The following ETV1 variants were observed in gnomAD, a reference collection of about 807,000 sequenced individuals.
ETV1 encodes the protein ETS variant transcription factor 1.
Under a neutral mutation model 62.3 loss-of-function variants are expected in ETV1, and 27 were observed. That is an observed-to-expected ratio of 0.43 (90% confidence interval 0.32 to 0.60). The LOEUF is 0.60. Ranked by LOEUF, ETV1 falls within the 20% of genes least tolerant of loss-of-function variation. The probability of loss-of-function intolerance (pLI) is 0.06; values close to 1 mark genes in which losing one functional copy is unlikely to be tolerated. For missense variants in ETV1, 605 were observed against 605.8 expected, an observed-to-expected ratio of 1.00 and a Z score of 0.01; for synonymous variants, 222 against 199.6, an observed-to-expected ratio of 1.11 and a Z score of -0.94.
At position 13,943,826 on chromosome 7, in the gene ETV1, C is replaced by T. The variant is rs113264243; in HGVS notation, c.236-4580G>A. Reference sequence around the variant, plus strand: ...CACATGTAAAATTCATCAAACTATGCACTTCAGATTTTTGCATTATAATGA... The same window carrying T: ...CACATGTAAAATTCATCAAACTATGTACTTCAGATTTTTGCATTATAATGA... On this transcript the variant is annotated intron_variant, in intron 6 of 13. Transcript: ENST00000430479. Among the ~76,000 whole-genome samples, 602 of 152,186 alleles carry T rather than the reference C, an allele frequency of 4.0e-3. 6 individuals carry two copies. The highest frequency in any genetic ancestry group is 0.014 in the African/African-American group (567 of 41,528).
intron 9 of ETV1, among the ~76,000 whole-genome samples, chr7:13,917,778 C>T (rs1489945276): frequency 6.6e-6 from 1 of 151,906 alleles, no homozygotes; most frequent in African/African-American, 2.4e-5. Context: ...TCCTGGCTAA[C>T]ACGGTGAAAC....
In ETV1 at chr7:13,915,757, ATT is replaced by A. The variant is rs3839720; in HGVS notation, c.803-4452_803-4451del. On this transcript the variant is annotated intron_variant, in intron 9 of 13. Coordinates refer to ENST00000430479, the MANE Select transcript of ETV1 (RefSeq NM_004956.5). The stretch of plus-strand genomic sequence containing the variant: ...CCTAGAATGAATGATAATGGAAATA[ATT>A]TTTTTTTTTTTACTTTTACCATATG... Among the ~76,000 whole-genome samples, 668 of 147,762 alleles carry A rather than the reference ATT, an allele frequency of 4.5e-3. 3 individuals are homozygous for A. Among genetic ancestry groups the A allele is most frequent in the African/African-American group, 0.016 (632 of 40,554 alleles).
At chr7:13,960,765 T>C (rs1186394585) in intron 6 of ETV1, among the ~76,000 whole-genome samples, 1 of 152,200 alleles carries the variant, frequency 6.6e-6, no homozygotes, top group African/African-American at 2.4e-5. Context: ...ATTTTTCTTA[T>C]ATTTAGCATG....
At chr7:13,970,362 T>C (rs552320889) in intron 6 of ETV1, among the ~76,000 whole-genome samples, 24 of 129,938 alleles carry the variant, frequency 1.8e-4, no homozygotes, top group African/African-American at 5.7e-4. Flanking sequence ...CAAAAGAAAC[T>C]CAGAACCATC....
intron 5 of ETV1, among the ~76,000 whole-genome samples, chr7:13,984,211 T>A (rs1297942879): frequency 6.6e-6 from 1 of 151,990 alleles, no homozygotes; most frequent in East Asian, 1.9e-4. Flanking sequence ...CCAATGATCT[T>A]TTTTAAAAGG....
chr7:13,945,717 G>A (rs1231464856), intron 6 of ETV1, among the ~76,000 whole-genome samples: 3 of 152,122 alleles, frequency 2.0e-5, no homozygotes, highest in African/African-American at 4.8e-5. Flanking sequence ...AGTTGAAAAC[G>A]TGTTGGGTAT....
chr7:13,893,494 T>C lies in ETV1; in HGVS notation c.*2372A>G, dbSNP rs1459863488. On this transcript the variant is annotated 3_prime_UTR_variant, in exon 14 of 14. Transcript: ENST00000430479. ...TACGTTAAAACAGCAAAACATATAG[T>C]TTGTCCTTAAATATTATATAACTAA... 1 of 231,352 alleles carries C rather than the reference T, an allele frequency of 4.3e-6. No homozygotes were observed. Among genetic ancestry groups the C allele is most frequent in the Non-Finnish European group, 8.5e-6 (1 of 117,030 alleles). The allele number at this position is 231,352 out of a possible 1,614,324, so 14.3% of individuals were successfully genotyped here.
At chr7:13,900,889 A>G (rs1373513419) in intron 12 of ETV1, 50 bp from the exon 13 acceptor site, 29 of 1,217,410 alleles carry the variant, frequency 2.4e-5, no homozygotes, top group Non-Finnish European at 3.0e-5. Flanking sequence ...ACTTATCAGC[A>G]TATTTCATAA....
chr7:13,924,297 T>G (rs1051162004), intron 9 of ETV1, among the ~76,000 whole-genome samples: 1 of 152,150 alleles, frequency 6.6e-6, no homozygotes, highest in Non-Finnish European at 1.5e-5. Flanking sequence ...AATCAAGGAC[T>G]TAGAGCTTGG....
At chr7:13,981,501 T>C (rs1425200772) in intron 5 of ETV1, among the ~76,000 whole-genome samples, 2 of 138,584 alleles carry the variant, frequency 1.4e-5, no homozygotes, top group Non-Finnish European at 3.2e-5. Flanking sequence ...GTTTACAAAG[T>C]TACATACATA....
chr7:13,925,113 C>T (rs987018900), intron 9 of ETV1, among the ~76,000 whole-genome samples: 1 of 152,228 alleles, frequency 6.6e-6, no homozygotes, highest in Middle Eastern at 3.4e-3. Flanking sequence ...CAGCATTGTC[C>T]TTTATTTTCT....
intron 6 of ETV1, among the ~76,000 whole-genome samples, chr7:13,961,069 G>A (rs185446403): frequency 2.1e-4 from 29 of 136,562 alleles, no homozygotes; most frequent in East Asian, 1.4e-3. Context: ...TCGCTTGAGC[G>A]CGGGTGGTTG....
At chr7:13,986,444 G>A in intron 5 of ETV1, 194 bp downstream of exon 5, 1 of 1,492,178 alleles carries the variant, frequency 6.7e-7, no homozygotes, top group Non-Finnish European at 8.9e-7. Flanking sequence ...GGTAATTTGT[G>A]ATGACACTGG....
intron 5 of ETV1, among the ~76,000 whole-genome samples, chr7:13,981,413 T>A (rs1186181321): frequency 6.6e-6 from 1 of 152,110 alleles, no homozygotes; most frequent in East Asian, 1.9e-4. Flanking sequence ...AAACTTGGAC[T>A]TGCAATATAA....
intron 6 of ETV1, among the ~76,000 whole-genome samples, chr7:13,940,351 G>A (rs574311711): frequency 3.6e-3 from 502 of 139,660 alleles, no homozygotes; most frequent in African/African-American, 0.012. Flanking sequence ...AACAGAGCGA[G>A]ACTCCACCTC....
At chr7:13,986,320 T>C (rs1481049134) in intron 5 of ETV1, 1 of 1,497,572 alleles carries the variant, frequency 6.7e-7, no homozygotes, top group African/African-American at 1.4e-5. Flanking sequence ...GGTACAATAA[T>C]ATAAACCTGA....
chr7:13,919,602 A>AC (rs1562615240), intron 9 of ETV1, among the ~76,000 whole-genome samples: 7 of 150,712 alleles, frequency 4.6e-5, no homozygotes, highest in African/African-American at 1.7e-4. Flanking sequence ...ACACACACAC[A>AC]AAATAAGAAC....
chr7:13,947,381 CACTA>C (rs1305478470), intron 6 of ETV1, among the ~76,000 whole-genome samples: 6 of 100,094 alleles, frequency 6.0e-5, no homozygotes, highest in African/African-American at 1.9e-4. Context: ...TAATAGAAAA[CACTA>C]ACTATACAAA....
chr7:13,972,296 G>A (rs1385394781), intron 6 of ETV1, among the ~76,000 whole-genome samples: 1 of 152,002 alleles, frequency 6.6e-6, no homozygotes, highest in African/African-American at 2.4e-5. Context: ...GCCGGGCATG[G>A]TGGTGCGTGC....
Sources: gnomAD v4.1 joint callset for allele counts (sites outside exome capture counted in the v4.1 genomes callset) on GRCh38, gnomAD v4.1.1 for gene constraint, MANE v1.5 for transcripts, NCBI Gene and HGNC (gene_info 2026-07-23, HGNC 2026-07-21) for gene names.